Variants in NUMB observed in about 807,000 individuals in gnomAD.
NUMB encodes NUMB endocytic adaptor protein.
NUMB carries 29 observed loss-of-function variants against 59.7 expected under a neutral mutation model. That is an observed-to-expected ratio of 0.49 (90% CI 0.36 to 0.66). The LOEUF (loss-of-function observed/expected upper bound fraction) is 0.66, where lower values mean the gene tolerates loss of function less well. Ranked by LOEUF, NUMB falls within the 30% of genes least tolerant of loss-of-function variation. NUMB has a pLI of 0.00. For missense variants in NUMB, 723 were observed against 822.0 expected (o/e 0.88, Z 1.47); for synonymous variants, 288 against 288.2 (o/e 1.00, Z 0.01).
At chr14:73,405,879 A>C (rs1392358244) in intron 2 of NUMB, among the ~76,000 whole-genome samples, 1 of 152,064 alleles carries the variant, frequency 6.6e-6, no homozygotes, top group Non-Finnish European at 1.5e-5. Flanking sequence ...GTAGGTATGC[A>C]TCTGATACCA....
At chr14:73,386,266 T>C (rs1415783733) in intron 2 of NUMB, among the ~76,000 whole-genome samples, 1 of 152,178 alleles carries the variant, frequency 6.6e-6, no homozygotes, top group Non-Finnish European at 1.5e-5. Flanking sequence ...AAAGAACTTC[T>C]GTATTTCAAA....
chr14:73,339,287 T>C (rs1892509335), intron 4 of NUMB, among the ~76,000 whole-genome samples: 1 of 152,226 alleles, frequency 6.6e-6, no homozygotes. Context: ...TATTGAAAAG[T>C]ACTAAACCAA....
At chr14:73,383,615 C>T (rs1466021134) in intron 2 of NUMB, among the ~76,000 whole-genome samples, 1 of 151,998 alleles carries the variant, frequency 6.6e-6, no homozygotes, top group Non-Finnish European at 1.5e-5. Flanking sequence ...AGAGGATCTC[C>T]GGACCTGAAA....
chr14:73,278,197 C>A (rs1358575169), intron 12 of NUMB, among the ~76,000 whole-genome samples: 1 of 152,124 alleles, frequency 6.6e-6, no homozygotes, highest in East Asian at 1.9e-4. Context: ...AATATGTTGT[C>A]TTTTTGGTGA....
rs1169133925 is a variant in NUMB at position 73,277,033 on chromosome 14, G to A, written c.1501C>T (p.Leu501=). The change falls in exon 13 of 13, where the codon CTG becomes TTG. Residue 501 remains leucine (L), a synonymous_variant. Coordinates refer to ENST00000555238, the MANE Select transcript of NUMB (RefSeq NM_001005743.2). ...QPVPVGVVPA[L]QPAFVPAQSY... is the part of the protein sequence containing the mutation. ...TGGGCAGGGACAAAGGCTGGTTGCA[G>A]GGCTGGGACCACACCCACTGGCACA... The A allele has an allele frequency of 1.9e-6, 3 of 1,614,124 alleles. No homozygotes were observed. Among genetic ancestry groups the A allele is most frequent in the Non-Finnish European group, 2.5e-6 (3 of 1,180,034 alleles).
At chr14:73,388,926 T>A (rs944287009) in intron 2 of NUMB, among the ~76,000 whole-genome samples, 2 of 151,750 alleles carry the variant, frequency 1.3e-5, no homozygotes, top group Non-Finnish European at 2.9e-5. Context: ...TGAAACCCCG[T>A]CTCTACCAAA....
At chr14:73,420,775 G>A (rs948325717) in intron 1 of NUMB, among the ~76,000 whole-genome samples, 6 of 152,152 alleles carry the variant, frequency 3.9e-5, no homozygotes, top group East Asian at 1.9e-4. Context: ...AGCTGAGATC[G>A]CACCATATTA....
At chr14:73,297,567 T>A in intron 6 of NUMB, 1 of 253,102 alleles carries the variant, frequency 4.0e-6, no homozygotes, top group Non-Finnish European at 7.5e-6. Context: ...GATATCACAT[T>A]CCATAAAGGG....
Position 73,299,454 on chromosome 14 carries a change from G to A in NUMB, c.235-2169C>T, listed in dbSNP as rs965662696. ...ACCCTGCCTGAGTTTCCAGCCCGTT[G>A]GCCTGCTTTACAGGTATCAGACTTG... On this transcript the variant is annotated intron_variant, in intron 6 of 12. Transcript: ENST00000555238. The A allele has an allele frequency of 5.3e-5, 8 of 151,850 alleles. No individual in the cohort carries two copies. The Admixed American group carries it at 5.3e-4, about 10-fold the overall frequency. 9.4% of individuals were successfully genotyped at this position (151,850 alleles called of 1,614,324 possible). A position where few individuals can be genotyped will look rare whatever the true frequency, so the allele number is the denominator to read the frequency against.
intron 8 of NUMB, among the ~76,000 whole-genome samples, chr14:73,288,231 C>T (rs1030785797): frequency 6.6e-6 from 1 of 151,430 alleles, no homozygotes; most frequent in African/African-American, 2.4e-5. Flanking sequence ...CTGGATAACA[C>T]AGTGAGACTC....
intron 2 of NUMB, among the ~76,000 whole-genome samples, chr14:73,388,396 A>AT (rs1197558491): frequency 6.6e-6 from 1 of 152,212 alleles, no homozygotes; most frequent in African/African-American, 2.4e-5. Flanking sequence ...GTGGGGAAAT[A>AT]TTTTTTAATT....
At chr14:73,343,664 T>G (rs1892756616) in intron 4 of NUMB, among the ~76,000 whole-genome samples, 1 of 152,224 alleles carries the variant, frequency 6.6e-6, no homozygotes, top group Admixed American at 6.5e-5. Context: ...AACATTTGCT[T>G]CTTTATTCTG....
At chr14:73,443,544 G>A (rs1467812536) in intron 1 of NUMB, among the ~76,000 whole-genome samples, 8 of 149,094 alleles carry the variant, frequency 5.4e-5, no homozygotes, top group Non-Finnish European at 7.4e-5. Context: ...GCAGTGAGCC[G>A]AGACCATGCC....
At chr14:73,431,675 G>C (rs544872673) in intron 1 of NUMB, among the ~76,000 whole-genome samples, 1 of 151,844 alleles carries the variant, frequency 6.6e-6, no homozygotes, top group Non-Finnish European at 1.5e-5. Flanking sequence ...CTTGAACCCA[G>C]GAGGCAGAGG....
chr14:73,424,345 T>A (rs1268827761), intron 1 of NUMB, among the ~76,000 whole-genome samples: 1 of 152,170 alleles, frequency 6.6e-6, no homozygotes, highest in Non-Finnish European at 1.5e-5. Context: ...GATTTCCAAA[T>A]CCCATCATTG....
chr14:73,312,474 C>G (rs988783730), intron 6 of NUMB, among the ~76,000 whole-genome samples: 4 of 151,756 alleles, frequency 2.6e-5, no homozygotes, highest in Admixed American at 1.3e-4. Context: ...AGCACTTTGG[C>G]AGGGTGAGGT....
rs371554812 is a variant in NUMB, at chr14:73,419,282, G to A, written c.-232-9214C>T. ...TCCCAGCACTTTGGGAGGCCGAGGC[G>A]GGCGGATCACAAGATCAGGAGATTG... On this transcript the variant is annotated intron_variant, in intron 1 of 12. Coordinates refer to ENST00000555238, the MANE Select transcript of NUMB (RefSeq NM_001005743.2). 5.0e-3 allele frequency among the ~76,000 whole-genome samples: 757 copies of A among 152,242 alleles called. 6 individuals carry two copies. Among genetic ancestry groups the A allele is most frequent in the South Asian group, 0.031 (149 of 4,824 alleles).
chr14:73,322,338 A>T (rs1377984422), intron 5 of NUMB, among the ~76,000 whole-genome samples: 1 of 152,234 alleles, frequency 6.6e-6, no homozygotes, highest in Non-Finnish European at 1.5e-5. Flanking sequence ...TTCACTGAAT[A>T]CACAGGCATG....
At chr14:73,456,806 T>A (rs1422730687) in intron 1 of NUMB, among the ~76,000 whole-genome samples, 1 of 152,218 alleles carries the variant, frequency 6.6e-6, no homozygotes, top group African/African-American at 2.4e-5. Flanking sequence ...AACGTGATCA[T>A]CATTTGAGAT....
Sources: allele counts gnomAD v4.1 joint callset (sites outside exome capture counted in the v4.1 genomes callset), GRCh38; gene constraint gnomAD v4.1.1; transcripts MANE v1.5; gene names NCBI Gene and HGNC (gene_info 2026-07-23, HGNC 2026-07-21).